Variants in RGS6 observed in about 807,000 individuals in gnomAD.
RGS6 encodes the protein regulator of G-protein signaling 6.
In RGS6, 30 loss-of-function variants were observed where a neutral mutation model predicts 78.5. The observed-to-expected ratio is 0.38, with a 90% CI of 0.29 to 0.52. RGS6 has a LOEUF of 0.52. RGS6 is among the 20% of genes least tolerant of loss of function. The probability of loss-of-function intolerance (pLI) is 0.85; values close to 1 mark genes in which losing one functional copy is unlikely to be tolerated. For missense variants in RGS6, 495 were observed against 609.7 expected, an observed-to-expected ratio of 0.81 and a Z score of 1.98; for synonymous variants, 206 against 206.0, an observed-to-expected ratio of 1.00 and a Z score of 0.00.
chr14:72,070,736 C>T (rs2094378233), intron 2 of RGS6, among the ~76,000 whole-genome samples: 1 of 152,148 alleles, frequency 6.6e-6, no homozygotes, highest in African/African-American at 2.4e-5. Context: ...GCTTCCTGTT[C>T]CTTATGGTTC....
intron 1 of RGS6, among the ~76,000 whole-genome samples, chr14:71,950,253 T>C (rs966180536): frequency 1.3e-5 from 2 of 152,138 alleles, no homozygotes; most frequent in African/African-American, 2.4e-5. Flanking sequence ...TGGAACAGAA[T>C]AGAGATCTCA....
At chr14:72,150,781 A>G (rs1422525309) in intron 2 of RGS6, among the ~76,000 whole-genome samples, 2 of 152,026 alleles carry the variant, frequency 1.3e-5, no homozygotes, top group Non-Finnish European at 2.9e-5. Flanking sequence ...CCTCCTCCAC[A>G]TTGATCCAAT....
intron 2 of RGS6, among the ~76,000 whole-genome samples, chr14:72,029,757 G>GA (rs1025839574): frequency 2.0e-5 from 3 of 151,900 alleles, no homozygotes; most frequent in African/African-American, 4.8e-5. Flanking sequence ...TTTGGATAAG[G>GA]AAAAAAAATA....
intron 2 of RGS6, among the ~76,000 whole-genome samples, chr14:72,314,047 CTG>C (rs2069365990): frequency 6.6e-6 from 1 of 152,200 alleles, no homozygotes; most frequent in Non-Finnish European, 1.5e-5. Flanking sequence ...TTCACAGTAT[CTG>C]TGGGTTTGGG....
At chr14:72,197,391 ACCCATGCCAGAGTGCCTAG>A (rs2040440011) in intron 2 of RGS6, among the ~76,000 whole-genome samples, 1 of 151,988 alleles carries the variant, frequency 6.6e-6, no homozygotes, top group Non-Finnish European at 1.5e-5. Flanking sequence ...AAGTTCATAT[ACCCATGCCAGAGTGCCTAG>A]CTCACACTTC....
chr14:72,446,952 G>A (rs992942101), intron 3 of RGS6, among the ~76,000 whole-genome samples: 1 of 152,076 alleles, frequency 6.6e-6, no homozygotes, highest in African/African-American at 2.4e-5. Flanking sequence ...TTGCTCACCC[G>A]CCACTCACCT....
chr14:72,128,593 A>C (rs940442259), intron 2 of RGS6, among the ~76,000 whole-genome samples: 5 of 152,062 alleles, frequency 3.3e-5, no homozygotes, highest in Non-Finnish European at 7.4e-5. Flanking sequence ...TTTTTAAAAC[A>C]TTATATACCC....
intron 6 of RGS6, among the ~76,000 whole-genome samples, chr14:72,463,539 C>G (rs895944718): frequency 6.6e-6 from 1 of 152,262 alleles, no homozygotes; most frequent in Non-Finnish European, 1.5e-5. Flanking sequence ...TAACTCACTT[C>G]ACAACCCCGC....
At chr14:72,616,505 C>T in the RGS6 span, among the ~76,000 whole-genome samples, 2 of 152,180 alleles carry the variant, frequency 1.3e-5, no homozygotes, top group East Asian at 3.9e-4. Flanking sequence ...GGCTAATGCA[C>T]ACAAGAAGGC....
intron 17 of RGS6, among the ~76,000 whole-genome samples, chr14:72,545,532 TTCTGCAG>T (rs1286508322): frequency 1.1e-4 from 17 of 152,214 alleles, no homozygotes; most frequent in African/African-American, 3.9e-4. Flanking sequence ...GCTAGCGGTG[TTCTGCAG>T]GTCTGTGCTT....
intron 2 of RGS6, among the ~76,000 whole-genome samples, chr14:72,136,359 G>A (rs1032709863): frequency 6.6e-6 from 1 of 152,066 alleles, no homozygotes; most frequent in Non-Finnish European, 1.5e-5. Context: ...AAAAAAACTT[G>A]TATTAGTCTG....
At chr14:72,426,007 T>C (rs933378365) in intron 3 of RGS6, among the ~76,000 whole-genome samples, 2 of 152,202 alleles carry the variant, frequency 1.3e-5, no homozygotes, top group African/African-American at 4.8e-5. Context: ...TGCTTAGCTA[T>C]ATTTTCTAAA....
At chr14:71,875,415 T>C in the RGS6 span, among the ~76,000 whole-genome samples, 1 of 152,218 alleles carries the variant, frequency 6.6e-6, no homozygotes, top group Non-Finnish European at 1.5e-5. Flanking sequence ...CTTCTAGATT[T>C]TCTAGTTTAA....
chr14:72,061,572 CTTT>C (rs904949047), intron 2 of RGS6, among the ~76,000 whole-genome samples: 24 of 147,880 alleles, frequency 1.6e-4, no homozygotes, highest in Non-Finnish European at 2.6e-4. Flanking sequence ...GGAAAAGTAA[CTTT>C]TTTTTTTTCC....
intron 2 of RGS6, among the ~76,000 whole-genome samples, chr14:72,047,798 T>A (rs2092960004): frequency 6.6e-6 from 1 of 151,998 alleles, no homozygotes; most frequent in Non-Finnish European, 1.5e-5. Flanking sequence ...CGCGCTCAGT[T>A]CACTGCAACC....
At chr14:72,228,489 G>T (rs570405190) in intron 2 of RGS6, among the ~76,000 whole-genome samples, 7 of 152,316 alleles carry the variant, frequency 4.6e-5, no homozygotes, top group African/African-American at 1.7e-4. Context: ...TTTTAATCAA[G>T]GAATGCCATT....
chr14:72,573,592 T>C, the RGS6 span, among the ~76,000 whole-genome samples: 1 of 151,886 alleles, frequency 6.6e-6, no homozygotes, highest in Non-Finnish European at 1.5e-5. Flanking sequence ...GGGAAGGGGG[T>C]CAAATTGAAG....
intron 2 of RGS6, among the ~76,000 whole-genome samples, chr14:72,266,070 C>G (rs1000992223): frequency 1.3e-5 from 2 of 152,130 alleles, no homozygotes; most frequent in African/African-American, 4.8e-5. Flanking sequence ...TATCATCACT[C>G]ATGATTTTGT....
At chr14:72,528,782 G>T (rs117543904) in intron 15 of RGS6, among the ~76,000 whole-genome samples, 1,690 of 152,346 alleles carry the variant, frequency 0.011, 11 homozygotes, top group Non-Finnish European at 0.017. Context: ...TTTACTCTCA[G>T]CAGGGGCTTG....
Sources: allele counts gnomAD v4.1 joint callset (sites outside exome capture counted in the v4.1 genomes callset), GRCh38; gene constraint gnomAD v4.1.1; transcripts MANE v1.5; gene names NCBI Gene and HGNC (gene_info 2026-07-23, HGNC 2026-07-21).